The following WBP2 variants were observed in gnomAD, a reference collection of about 807,000 sequenced individuals.
WBP2 encodes WW domain binding protein 2, also known as WW domain-binding protein 2.
WBP2 carries 23 observed loss-of-function variants against 33.0 expected under a neutral mutation model. The observed-to-expected ratio is 0.70, with a 90% CI of 0.50 to 0.99. The LOEUF is 0.99. Ranked by LOEUF, WBP2 falls within the 50% of genes least tolerant of loss-of-function variation. The pLI is 0.00. For missense variants in WBP2, 353 were observed against 358.0 expected, an observed-to-expected ratio of 0.99 and a Z score of 0.11; for synonymous variants, 153 against 133.5, an observed-to-expected ratio of 1.15 and a Z score of -1.01.
chr17:75,847,358 C>T, intron 6 of WBP2, 129 bp downstream of exon 6: 1 of 1,436,722 alleles, frequency 7.0e-7, no homozygotes, highest in Non-Finnish European at 9.5e-7. Flanking sequence ...TGCTGGGCCC[C>T]TGGGGTAGTC....
chr17:75,854,743 G>A (rs2065047361), intron 1 of WBP2, among the ~76,000 whole-genome samples: 1 of 152,122 alleles, frequency 6.6e-6, no homozygotes, highest in Non-Finnish European at 1.5e-5. Context: ...TACCACCTCT[G>A]TTACTTACAC....
intron 1 of WBP2, among the ~76,000 whole-genome samples, chr17:75,853,850 C>A (rs2065041679): frequency 6.6e-6 from 1 of 151,874 alleles, no homozygotes; most frequent in Non-Finnish European, 1.5e-5. Flanking sequence ...TCGAGACCAG[C>A]CTGCCCAACA....
At chr17:75,851,303 G>A in intron 2 of WBP2, 2 of 344,824 alleles carry the variant, frequency 5.8e-6, no homozygotes, top group Non-Finnish European at 1.1e-5. Context: ...GCCAGCGGCT[G>A]CATCCAACTC....
chr17:75,853,959 C>T (rs1033932668), intron 1 of WBP2, among the ~76,000 whole-genome samples: 19 of 143,828 alleles, frequency 1.3e-4, no homozygotes, highest in African/African-American at 2.6e-4. Context: ...GCAGGATAAT[C>T]GCTTGAACCC....
chr17:75,852,877 GGGGTTCTTTTAAACCT>G, intron 1 of WBP2: 2 of 882,898 alleles, frequency 2.3e-6, no homozygotes, highest in Non-Finnish European at 2.7e-6. Context: ...GACGTCCTTC[GGGGTTCTTTTAAACCT>G]GGGTTCTTAA....
At position 75,849,604 on chromosome 17, in the gene WBP2, C is replaced by T; in HGVS notation, c.304G>A (p.Gly102Ser). ...GTGTCCCTGAGTTCCCATCACCTAC[C>T]TCCCGCTTCCGCCTTCACTGTTCCC... ...IKGTVKAEAG[G>S]GWEGSASYKL... The change falls in exon 3 of 8, where the codon GGT becomes AGT. Residue 102 changes from glycine (G) to serine (S), a missense_variant and splice_region_variant. By Grantham distance (56) the Gly-to-Ser change is moderately conservative. Coordinates refer to ENST00000254806, the MANE Select transcript of WBP2 (RefSeq NM_012478.4). 6.2e-7 allele frequency: 1 copy of T among 1,613,990 alleles called. No individual in the cohort carries two copies. The highest frequency in any genetic ancestry group is 8.5e-7 in the Non-Finnish European group (1 of 1,179,888).
rs1433198258 is a variant in WBP2, at chr17:75,845,739, C to T, written c.*995G>A. ...TTTACTATTTCACATTTTCAGCAAA[C>T]AAATCGAGGTGCAAACAGGGTTTAT... On this transcript the variant is annotated 3_prime_UTR_variant, in exon 8 of 8. Coordinates refer to ENST00000254806, the MANE Select transcript of WBP2 (RefSeq NM_012478.4). The T allele has an allele frequency of 6.6e-6, 1 of 152,572 alleles. No individual in the cohort carries two copies. Among genetic ancestry groups the T allele is most frequent in the Non-Finnish European group, 1.5e-5 (1 of 68,038 alleles). 9.5% of individuals were successfully genotyped at this position (152,572 alleles called of 1,614,324 possible).
chr17:75,851,816 A>G (rs2065029545), intron 1 of WBP2, 140 bp from the exon 2 acceptor site: 1 of 631,190 alleles, frequency 1.6e-6, no homozygotes, highest in Non-Finnish European at 2.9e-6. Context: ...AAAACTATTC[A>G]TAGGGCTGGG....
Position 75,846,643 on chromosome 17 carries a change from G to T in WBP2, c.*91C>A. 1 of 1,392,064 alleles carries T rather than the reference G, an allele frequency of 7.2e-7. No individual in the cohort carries two copies. Among genetic ancestry groups the T allele is most frequent in the Non-Finnish European group, 9.9e-7 (1 of 1,010,426 alleles). The allele number at this position is 1,392,064 out of a possible 1,614,324, so 86.2% of individuals were successfully genotyped here. ...ATGATCAGACCTGGAGGGAGAACAA[G>T]GCGCCCCCTCCCCTCCCCAAGCCCC... On this transcript the variant is annotated 3_prime_UTR_variant, in exon 8 of 8. Transcript: ENST00000254806. The surrounding 1 kb of genome is among the most constrained non-coding windows in gnomAD (Gnocchi z 4.8).
chr17:75,848,769 C>A, intron 3 of WBP2, 107 bp from the exon 4 acceptor site: 3 of 1,022,412 alleles, frequency 2.9e-6, no homozygotes, highest in South Asian at 1.4e-5. Context: ...GGGAGGCCTG[C>A]GGGGGCTGGG....
intron 2 of WBP2, among the ~76,000 whole-genome samples, chr17:75,850,239 T>C (rs546751140): frequency 0.013 from 1,241 of 96,972 alleles, 13 homozygotes; most frequent in African/African-American, 0.054. Context: ...TTTTATTTTT[T>C]CTTTTCTTTT....
chr17:75,849,034 C>T (rs2065012592), intron 3 of WBP2: 1 of 312,362 alleles, frequency 3.2e-6, no homozygotes, highest in Admixed American at 4.5e-5. Context: ...TCAGCAACAG[C>T]CGACCTTAAA....
upstream of WBP2, chr17:75,856,125 GGCA>G (rs2065057425): frequency 6.6e-6 from 1 of 152,302 alleles, no homozygotes; most frequent in Admixed American, 6.5e-5. Flanking sequence ...AGTGGGACTG[GGCA>G]CGGCGCGAAA....
chr17:75,849,623 T>C lies in WBP2; in HGVS notation c.285A>G (p.Thr95=), dbSNP rs747728984. 1.9e-6 allele frequency: 3 copies of C among 1,614,000 alleles called. No individual in the cohort carries two copies. Among genetic ancestry groups the C allele is most frequent in the East Asian group, 2.2e-5 (1 of 44,902 alleles). Residue 95 remains threonine (T), a synonymous_variant, in exon 3 of 8, where the codon ACA becomes ACG. Coordinates refer to ENST00000254806, the MANE Select transcript of WBP2 (RefSeq NM_012478.4). ...PVFGANYIKG[T]VKAEAGGGWE... ...ACCTACCTCCCGCTTCCGCCTTCAC[T>C]GTTCCCTTGATGTAGTTTGCACCAA...
chr17:75,848,623 G>A lies in WBP2; in HGVS notation c.344C>T (p.Thr115Met), dbSNP rs1386136694. 16 of 1,613,934 alleles carry A rather than the reference G, an allele frequency of 9.9e-6. No homozygotes were observed. Among genetic ancestry groups the A allele is most frequent in the Non-Finnish European group, 1.3e-5 (15 of 1,179,976 alleles). Residue 115 changes from threonine to methionine, a missense_variant, in exon 4 of 8, where the codon ACG (threonine) becomes ATG (methionine). Transcript: ENST00000254806. ...EGSASYKLTF[T>M]AGGAIEFGQR... ...TCCGAACTCAATGGCGCCCCCTGCCGTGAAAGTCAACTTGTAGGAAGCAGA... is the reference window on the plus strand; with the variant it reads ...TCCGAACTCAATGGCGCCCCCTGCCATGAAAGTCAACTTGTAGGAAGCAGA...
intron 2 of WBP2, among the ~76,000 whole-genome samples, chr17:75,850,646 T>C (rs142105512): frequency 1.1e-3 from 162 of 152,264 alleles, no homozygotes; most frequent in African/African-American, 3.7e-3. Flanking sequence ...TGTGAAGTCA[T>C]GGAGATTAAA....
At position 75,847,567 on chromosome 17, in the gene WBP2, T is replaced by C. The variant is rs748726249; in HGVS notation, c.575A>G (p.Tyr192Cys). 1.9e-5 allele frequency: 31 copies of C among 1,608,400 alleles called. No individual in the cohort carries two copies. The highest frequency in any genetic ancestry group is 2.5e-5 in the Non-Finnish European group (30 of 1,177,050). The stretch of plus-strand genomic sequence containing the variant: ...GTAGGGCGGTGGTGGGGGCTGCACG[T>C]ATCCCATGGCCCCGTCCATCATGGG... ...GPPMMDGAMG[Y>C]VQPPPPPYPG... Residue 192 changes from tyrosine (Y) to cysteine (C), a missense_variant, in exon 6 of 8, where the codon TAC becomes TGC. Coordinates refer to ENST00000254806, the MANE Select transcript of WBP2 (RefSeq NM_012478.4).
chr17:75,849,753 G>A lies in WBP2; in HGVS notation c.169-14C>T. The A allele has an allele frequency of 6.2e-7, 1 of 1,613,550 alleles. No homozygotes were observed. The highest frequency in any genetic ancestry group is 8.5e-7 in the Non-Finnish European group (1 of 1,179,924). On this transcript the variant is annotated splice_polypyrimidine_tract_variant and intron_variant, in intron 2 of 7. Transcript: ENST00000254806. ...CAGAAAGATGACCTGCAGGGAGAGAGGGTGAGGCCATCAGTACTAGAAGCA... is the reference window on the plus strand; with the variant it reads ...CAGAAAGATGACCTGCAGGGAGAGAAGGTGAGGCCATCAGTACTAGAAGCA...
intron 1 of WBP2, 112 bp from the exon 2 acceptor site, chr17:75,851,788 T>C: frequency 1.3e-6 from 1 of 764,890 alleles, no homozygotes; most frequent in South Asian, 1.4e-5. Flanking sequence ...TCTCATAACC[T>C]CTCAATAGTG....
Sources: allele counts gnomAD v4.1 joint callset (sites outside exome capture counted in the v4.1 genomes callset), GRCh38; gene constraint gnomAD v4.1.1; non-coding constraint Gnocchi (gnomAD v3.1); transcripts MANE v1.5; gene names NCBI Gene and HGNC (gene_info 2026-07-23, HGNC 2026-07-21).